Variants in SERPINB11 observed in about 807,000 individuals in gnomAD.
SERPINB11 encodes the protein serpin B11.
A neutral mutation model predicts 36.7 loss-of-function variants in SERPINB11; 32 were observed. The observed-to-expected ratio is 0.87, with a 90% CI of 0.66 to 1.17. The LOEUF (loss-of-function observed/expected upper bound fraction) is 1.17. SERPINB11 is among the 50% of genes most tolerant of loss of function. SERPINB11 has a pLI of 0.00. For missense variants in SERPINB11, 528 were observed against 458.4 expected, an observed-to-expected ratio of 1.15 and a Z score of -1.39; for synonymous variants, 174 against 168.1, an observed-to-expected ratio of 1.04 and a Z score of -0.27.
In SERPINB11 at chr18:63,723,078, C is replaced by T. The variant is rs1302209913; in HGVS notation, c.858C>T (p.Leu286=). Residue 286 remains leucine (L), a synonymous_variant, in exon 8 of 8, where the codon CTC becomes CTT. Transcript: ENST00000544088. ...NMMEREVEVH[L]PRFKLETKYE... is the part of the protein sequence containing the mutation. ...TGGAAAGAGAAGTTGAAGTACACCT[C>T]CCCCGATTCAAACTTGAAACTAAGT... The T allele has an allele frequency of 1.2e-6, 2 of 1,605,768 alleles. No homozygotes were observed. The highest frequency in any genetic ancestry group is 2.2e-5 in the South Asian group (2 of 89,634).
intron 7 of SERPINB11, 138 bp from the exon 8 acceptor site, chr18:63,722,857 C>A (rs1914849502): frequency 3.8e-6 from 3 of 798,294 alleles, no homozygotes; most frequent in African/African-American, 1.8e-5. Context: ...ATTTTGTTCC[C>A]AGGTAAGTAG....
chr18:63,714,345 G>T (rs1188937870), intron 4 of SERPINB11, among the ~76,000 whole-genome samples: 1 of 152,156 alleles, frequency 6.6e-6, no homozygotes. Context: ...AATTAAAATT[G>T]CTAATGAAGT....
chr18:63,702,448 G>A (rs927159524), upstream of SERPINB11: 1 of 152,216 alleles, frequency 6.6e-6, no homozygotes, highest in African/African-American at 2.4e-5. Flanking sequence ...AAAATTAGCT[G>A]GGTGTGGTGG....
chr18:63,708,045 C>T (rs754418619), intron 1 of SERPINB11, among the ~76,000 whole-genome samples: 8 of 152,166 alleles, frequency 5.3e-5, no homozygotes, highest in Non-Finnish European at 8.8e-5. Context: ...GGAAGAACTT[C>T]ATGGAAGAGG....
chr18:63,720,539 C>G (rs893825303), intron 6 of SERPINB11: 1 of 376,286 alleles, frequency 2.7e-6, no homozygotes, highest in Non-Finnish European at 4.7e-6. Context: ...AATGATATAT[C>G]CTTTTTCTTC....
intron 5 of SERPINB11, among the ~76,000 whole-genome samples, chr18:63,719,418 A>G (rs999709563): frequency 1.3e-5 from 2 of 152,086 alleles, no homozygotes; most frequent in African/African-American, 4.8e-5. Context: ...ATTCCATTCC[A>G]AAAAGGTTTT....
upstream of SERPINB11, chr18:63,702,750 A>T (rs1914270805): frequency 6.6e-6 from 1 of 152,014 alleles, no homozygotes; most frequent in Non-Finnish European, 1.5e-5. Flanking sequence ...GCCTCAAGTA[A>T]CCCTCCCACC....
chr18:63,714,365 G>A (rs967328803), intron 4 of SERPINB11, among the ~76,000 whole-genome samples: 2 of 152,174 alleles, frequency 1.3e-5, no homozygotes, highest in Admixed American at 6.5e-5. Context: ...TTTCGGGCAT[G>A]CATTGTCATT....
At position 63,723,407 on chromosome 18, in the gene SERPINB11, G is replaced by C; in HGVS notation, c.*8G>C. The C allele has an allele frequency of 1.3e-6, 2 of 1,587,004 alleles. No homozygotes were observed. Among genetic ancestry groups the C allele is most frequent in the Non-Finnish European group, 1.7e-6 (2 of 1,164,902 alleles). On this transcript the variant is annotated 3_prime_UTR_variant, in exon 8 of 8. Coordinates refer to ENST00000544088, the MANE Select transcript of SERPINB11 (RefSeq NM_001370475.1). ...AAGCTTGCCTCTCCCTAATCAGATG[G>C]GGTTGAGCAAGGCTCAGAGTTGCAG...
chr18:63,704,027 G>C (rs1598956259), intron 1 of SERPINB11, among the ~76,000 whole-genome samples: 1 of 152,072 alleles, frequency 6.6e-6, no homozygotes, highest in African/African-American at 2.4e-5. Flanking sequence ...GGGCTGTTTT[G>C]GGGGTCCATA....
intron 5 of SERPINB11, among the ~76,000 whole-genome samples, chr18:63,717,497 G>T (rs546295033): frequency 9.9e-5 from 15 of 152,122 alleles, no homozygotes; most frequent in Non-Finnish European, 2.1e-4. Context: ...AACAAGAAAT[G>T]AGAATTTCAT....
intron 3 of SERPINB11, among the ~76,000 whole-genome samples, 156 bp downstream of exon 3, chr18:63,711,550 G>A (rs2144536913): frequency 6.6e-6 from 1 of 152,232 alleles, no homozygotes; most frequent in East Asian, 1.9e-4. Flanking sequence ...ACAGCCTGTA[G>A]AGTTTAATAT....
rs1167575003 is a variant in SERPINB11 at position 63,723,006 on chromosome 18, GC to G, written c.787del (p.Leu263Ter). 1 of 1,571,252 alleles carries G rather than the reference GC, an allele frequency of 6.4e-7. No homozygotes were observed. Among genetic ancestry groups the G allele is most frequent in the Non-Finnish European group, 8.6e-7 (1 of 1,162,392 alleles). ...GTTTTGTCTCTTAGATAGAAAAGCA[GC>G]TGAATTCGGGGACGTTTCATGAGTG... The part of the protein sequence containing the change: ...IANLKQIEKQ[L>X]NSGTFHEWTS... On this transcript the variant is annotated frameshift_variant, in exon 8 of 8. Coordinates refer to ENST00000544088, the MANE Select transcript of SERPINB11 (RefSeq NM_001370475.1). LOFTEE classifies it low-confidence loss of function (END_TRUNC).
Position 63,715,468 on chromosome 18 carries a change from G to A in SERPINB11, c.358-567G>A, listed in dbSNP as rs1038827462. ...CTTAGATAATATGTTATAGGTGAAC[G>A]AAATAATAAATTCTTAAGATATTTT... On this transcript the variant is annotated intron_variant, in intron 4 of 7. Transcript: ENST00000544088. 7.9e-5 allele frequency among the ~76,000 whole-genome samples: 12 copies of A among 152,252 alleles called. No homozygotes were observed. The South Asian group carries it at 8.3e-4, about 11-fold the overall frequency.
At chr18:63,704,801 A>G (rs916120682) in intron 1 of SERPINB11, among the ~76,000 whole-genome samples, 2 of 152,172 alleles carry the variant, frequency 1.3e-5, no homozygotes, top group Non-Finnish European at 2.9e-5. Flanking sequence ...ACATACATGA[A>G]CCCTGTAAGT....
At chr18:63,720,640 C>A (rs1462113199) in intron 6 of SERPINB11, 191 bp from the exon 7 acceptor site, 2 of 535,754 alleles carry the variant, frequency 3.7e-6, no homozygotes, top group East Asian at 6.2e-5. Flanking sequence ...AGTCTCTAAC[C>A]ATGACTTATT....
Position 63,712,677 on chromosome 18 carries a change from C to T in SERPINB11, c.341C>T (p.Thr114Met), listed in dbSNP as rs193224810. The T allele has an allele frequency of 1.2e-3, 1,891 of 1,613,604 alleles. 13 individuals are homozygous for T. Among genetic ancestry groups the T allele is most frequent in the South Asian group, 9.9e-3 (900 of 91,014 alleles). Residue 114 changes from threonine (T) to methionine (M), a missense_variant, in exon 4 of 8, where the codon ACG becomes ATG. Coordinates refer to ENST00000544088, the MANE Select transcript of SERPINB11 (RefSeq NM_001370475.1). Reference protein sequence around the residue: ...SIANRLYGTKTMAFHQQYLSC... With the variant: ...SIANRLYGTKMMAFHQQYLSC... ...GCCAACAGGCTCTACGGGACAAAGACGATGGCATTTCATCAGGTAAGTCCA... is the reference window on the plus strand; with the variant it reads ...GCCAACAGGCTCTACGGGACAAAGATGATGGCATTTCATCAGGTAAGTCCA...
In SERPINB11 at chr18:63,723,434, T is replaced by C. The variant is rs988069365; in HGVS notation, c.*35T>C. The C allele has an allele frequency of 9.0e-6, 14 of 1,549,850 alleles. No individual in the cohort carries two copies. Among genetic ancestry groups the C allele is most frequent in the Non-Finnish European group, 1.1e-5 (13 of 1,144,164 alleles). On this transcript the variant is annotated 3_prime_UTR_variant, in exon 8 of 8. Coordinates refer to ENST00000544088, the MANE Select transcript of SERPINB11 (RefSeq NM_001370475.1). ...GTTGAGCAAGGCTCAGAGTTGCAGA[T>C]GAGGTGCAGAGACAATCCTGTGACT... is the stretch of plus-strand genomic sequence containing the variant.
chr18:63,707,577 G>C (rs994855945), intron 1 of SERPINB11, among the ~76,000 whole-genome samples: 1 of 152,106 alleles, frequency 6.6e-6, no homozygotes, highest in Non-Finnish European at 1.5e-5. Flanking sequence ...TATATACCTA[G>C]GTGATGCTTA....
Sources: gnomAD v4.1 joint callset for allele counts (sites outside exome capture counted in the v4.1 genomes callset) on GRCh38, gnomAD v4.1.1 for gene constraint, MANE v1.5 for transcripts, NCBI Gene and HGNC (gene_info 2026-07-23, HGNC 2026-07-21) for gene names.